The following POLR3G variants were observed in gnomAD, a reference collection of about 807,000 sequenced individuals.
POLR3G encodes the protein RNA polymerase III subunit G, also known as DNA-directed RNA polymerase III subunit RPC7.
POLR3G carries 28 observed loss-of-function variants against 30.1 expected under a neutral mutation model. The observed-to-expected ratio is 0.93, with a 90% CI of 0.69 to 1.27. The LOEUF is 1.27. Ranked by LOEUF, POLR3G falls within the 50% of genes most tolerant of loss-of-function variation. POLR3G has a pLI of 0.00. For missense variants in POLR3G, 254 were observed against 264.6 expected, an observed-to-expected ratio of 0.96 and a Z score of 0.28; for synonymous variants, 79 against 82.5, an observed-to-expected ratio of 0.96 and a Z score of 0.23.
chr5:90,481,484 G>A (rs1318327291), intron 1 of POLR3G, among the ~76,000 whole-genome samples: 1 of 152,140 alleles, frequency 6.6e-6, no homozygotes, highest in Non-Finnish European at 1.5e-5. Context: ...TACTTTCAAA[G>A]TATGGTTTAC....
intron 1 of POLR3G, among the ~76,000 whole-genome samples, chr5:90,478,682 G>A (rs1244047144): frequency 2.0e-5 from 3 of 148,056 alleles, no homozygotes; most frequent in Admixed American, 6.9e-5. Flanking sequence ...TCAGCCTCCC[G>A]AGTAGCTGGG....
upstream of POLR3G, chr5:90,474,160 C>G: frequency 6.3e-7 from 1 of 1,599,112 alleles, no homozygotes; most frequent in South Asian, 1.1e-5. Flanking sequence ...AGGCCTGTAT[C>G]GATCACCACG....
intron 4 of POLR3G, among the ~76,000 whole-genome samples, chr5:90,497,041 A>C (rs980605385): frequency 6.6e-6 from 1 of 152,238 alleles, no homozygotes; most frequent in African/African-American, 2.4e-5. Context: ...TTTTAAATCA[A>C]CTTTTATGTT....
chr5:90,509,225 G>GTAC (rs1322823214), intron 7 of POLR3G, among the ~76,000 whole-genome samples: 8 of 151,982 alleles, frequency 5.3e-5, no homozygotes, highest in Admixed American at 1.3e-4. Flanking sequence ...ATGGTCTCTG[G>GTAC]AGTTCTTTCT....
intron 3 of POLR3G, among the ~76,000 whole-genome samples, chr5:90,493,620 A>G (rs1415406773): frequency 6.8e-6 from 1 of 147,940 alleles, no homozygotes; most frequent in Non-Finnish European, 1.5e-5. Flanking sequence ...TTTAAAGTGT[A>G]CAATTCAGTG....
At chr5:90,502,462 T>A (rs1485304807) in intron 6 of POLR3G, 1 of 741,936 alleles carries the variant, frequency 1.3e-6, no homozygotes, top group East Asian at 1.3e-4. Context: ...TTTATCTAAA[T>A]ATTTCAAAAA....
intron 4 of POLR3G, among the ~76,000 whole-genome samples, chr5:90,495,976 T>G (rs1751965070): frequency 6.6e-6 from 1 of 151,552 alleles, no homozygotes; most frequent in Non-Finnish European, 1.5e-5. Flanking sequence ...TTATTTTATT[T>G]TATTTATTTT....
intron 1 of POLR3G, among the ~76,000 whole-genome samples, chr5:90,483,195 A>T (rs1310658492): frequency 2.7e-5 from 4 of 150,660 alleles, no homozygotes; most frequent in Non-Finnish European, 5.9e-5. Context: ...GGGGAAACTG[A>T]TTTAAGGAAT....
At chr5:90,482,017 T>A (rs78190148) in intron 1 of POLR3G, among the ~76,000 whole-genome samples, 5,494 of 152,208 alleles carry the variant, frequency 0.036, 320 homozygotes, top group African/African-American at 0.13. Flanking sequence ...CTTTTGTGCA[T>A]GTAAGTATAG....
intron 1 of POLR3G, among the ~76,000 whole-genome samples, chr5:90,483,300 A>G (rs551686140): frequency 2.6e-4 from 40 of 152,352 alleles, no homozygotes; most frequent in African/African-American, 9.4e-4. Flanking sequence ...CTGTCCAGAC[A>G]GCAGGCAGGG....
At chr5:90,474,428 G>C, upstream of POLR3G, 1 of 776,134 alleles carries the variant, frequency 1.3e-6, no homozygotes, top group Non-Finnish European at 2.1e-6. Context: ...AGGCGGGGGC[G>C]TGGGATGCGG....
chr5:90,501,176 A>G (rs1752228031), intron 5 of POLR3G, among the ~76,000 whole-genome samples: 1 of 152,160 alleles, frequency 6.6e-6, no homozygotes. Context: ...CATCTCTTTC[A>G]CCATTGGTAA....
At chr5:90,486,523 A>T (rs1019006805) in intron 2 of POLR3G, among the ~76,000 whole-genome samples, 5 of 152,060 alleles carry the variant, frequency 3.3e-5, no homozygotes, top group African/African-American at 9.7e-5. Context: ...TTTTTCTACC[A>T]CTGTCCTCAT....
chr5:90,476,297 C>G (rs1750813879), intron 1 of POLR3G, among the ~76,000 whole-genome samples: 2 of 152,152 alleles, frequency 1.3e-5, no homozygotes, highest in African/African-American at 4.8e-5. Context: ...AGTCGCTGAG[C>G]TGGGTAATTC....
At chr5:90,495,615 T>C in intron 3 of POLR3G, 62 bp from the exon 4 acceptor site, 1 of 1,566,232 alleles carries the variant, frequency 6.4e-7, no homozygotes, top group African/African-American at 1.4e-5. Flanking sequence ...CTTAAAGGAA[T>C]GGCTTAAGTT....
chr5:90,512,101 GCAGA>G lies in POLR3G; in HGVS notation c.638_641del (p.Asp213ValfsTer21), dbSNP rs776196838. The G allele has an allele frequency of 2.5e-5, 40 of 1,609,552 alleles. No individual in the cohort carries two copies. Among genetic ancestry groups the G allele is most frequent in the Non-Finnish European group, 3.2e-5 (38 of 1,176,348 alleles). On this transcript the variant is annotated frameshift_variant, in exon 8 of 8. Transcript: ENST00000651687. LOFTEE classifies it high-confidence loss of function. The stretch of plus-strand genomic sequence containing the variant: ...CTTTGAAGATGGAGATGATTTTGGC[GCAGA>G]CAGTGATGACAACATGGATGAGGCA...
chr5:90,486,291 T>C (rs1484971050), intron 2 of POLR3G, among the ~76,000 whole-genome samples: 1 of 152,228 alleles, frequency 6.6e-6, no homozygotes, highest in African/African-American at 2.4e-5. Flanking sequence ...CTTTTTGATA[T>C]TCAGCGCAGC....
chr5:90,501,823 C>A, intron 5 of POLR3G, 83 bp from the exon 6 acceptor site: 1 of 1,509,468 alleles, frequency 6.6e-7, no homozygotes, highest in Non-Finnish European at 9.1e-7. Flanking sequence ...TAGCACGATG[C>A]TGGACAGCAT....
intron 1 of POLR3G, among the ~76,000 whole-genome samples, chr5:90,483,663 G>A (rs898932669): frequency 1.3e-5 from 2 of 152,082 alleles, no homozygotes; most frequent in African/African-American, 4.8e-5. Context: ...GCCGGGCATG[G>A]TGGTGCGCGC....
Sources: gnomAD v4.1 joint callset for allele counts (sites outside exome capture counted in the v4.1 genomes callset) on GRCh38, gnomAD v4.1.1 for gene constraint, MANE v1.5 for transcripts, NCBI Gene and HGNC (gene_info 2026-07-23, HGNC 2026-07-21) for gene names.